CYTH1: variants seen among roughly 807,000 people sequenced by gnomAD.
The protein encoded by CYTH1 is cytohesin 1.
CYTH1 carries 18 observed loss-of-function variants against 61.8 expected under a neutral mutation model. That is an observed-to-expected ratio of 0.29 (90% CI 0.20 to 0.43). The LOEUF (loss-of-function observed/expected upper bound fraction) is 0.43. Among genes scored for constraint, CYTH1 ranks in the 20% least tolerant of loss-of-function variants. CYTH1 has a pLI of 1.00. For missense variants in CYTH1, 336 were observed against 510.5 expected (o/e 0.66, Z 3.29); for synonymous variants, 174 against 184.3 (o/e 0.94, Z 0.45).
At chr17:78,730,341 C>T (rs140272073) in intron 1 of CYTH1, among the ~76,000 whole-genome samples, 2,939 of 135,118 alleles carry the variant, frequency 0.022, 45 homozygotes, top group East Asian at 0.061. Flanking sequence ...CTGGCTAACA[C>T]GGTGAAACCC....
At chr17:78,692,310 T>A in intron 11 of CYTH1, 107 bp downstream of exon 11, 1 of 1,131,140 alleles carries the variant, frequency 8.8e-7, no homozygotes, top group South Asian at 1.3e-5. Context: ...CCCCCACAGA[T>A]ACTGAAGGGC....
intron 1 of CYTH1, among the ~76,000 whole-genome samples, chr17:78,744,262 A>G (rs1310657147): frequency 6.6e-6 from 1 of 152,224 alleles, no homozygotes; most frequent in Non-Finnish European, 1.5e-5. Flanking sequence ...AACTGCCAAC[A>G]ATGAACACTT....
At position 78,708,230 on chromosome 17, in the gene CYTH1, T is replaced by C. The variant is rs778884815; in HGVS notation, c.137A>G (p.Asn46Ser). ...TGTGGATCCCAGGTTTTCAATTTCA[T>C]TAGCTACTTCTGCTATCTCATCCTT... Reference protein sequence around the residue: ...RLKDEIAEVANEIENLGSTEE... With the variant: ...RLKDEIAEVASEIENLGSTEE... Residue 46 changes from asparagine to serine, a missense_variant, in exon 3 of 14, where the codon AAT (asparagine) becomes AGT (serine). Around this residue, in one of 4 missense-constraint regions of CYTH1, gnomAD observed 112 missense variants for 127.1 expected, o/e 0.88. Transcript: ENST00000446868. The C allele has an allele frequency of 6.2e-7, 1 of 1,613,634 alleles. No homozygotes were observed. Among genetic ancestry groups the C allele is most frequent in the South Asian group, 1.1e-5 (1 of 91,026 alleles).
chr17:78,709,562 G>A, intron 2 of CYTH1, 88 bp downstream of exon 2: 4 of 1,368,794 alleles, frequency 2.9e-6, no homozygotes, highest in Non-Finnish European at 4.2e-6. Context: ...GTGTCTTGAG[G>A]AGACACTCTG....
intron 3 of CYTH1, among the ~76,000 whole-genome samples, chr17:78,706,533 T>C (rs1485832663): frequency 2.0e-5 from 3 of 152,266 alleles, no homozygotes; most frequent in African/African-American, 7.2e-5. Context: ...AGTCACCTGC[T>C]GGCAGCCATT....
Position 78,702,519 on chromosome 17 carries a change from C to T in CYTH1, c.237+19G>A. On this transcript the variant is annotated intron_variant, in intron 4 of 13. Transcript: ENST00000446868. ...AACCCCATCTAATATGGACCACTTC[C>T]CGCTTCTTTCTCACTTACCTTTTTA... 1 of 1,613,188 alleles carries T rather than the reference C, an allele frequency of 6.2e-7. No homozygotes were observed. Among genetic ancestry groups the T allele is most frequent in the Non-Finnish European group, 8.5e-7 (1 of 1,179,446 alleles).
chr17:78,714,910 A>G (rs2093168164), intron 1 of CYTH1, among the ~76,000 whole-genome samples: 1 of 152,204 alleles, frequency 6.6e-6, no homozygotes, highest in Non-Finnish European at 1.5e-5. Flanking sequence ...AACTCTGGAA[A>G]AGGGACAATT....
intron 1 of CYTH1, among the ~76,000 whole-genome samples, chr17:78,712,412 G>T (rs147562704): frequency 6.6e-6 from 1 of 152,098 alleles, no homozygotes; most frequent in Non-Finnish European, 1.5e-5. Flanking sequence ...CAGCACTTTG[G>T]GAGGCCGAGG....
intron 1 of CYTH1, among the ~76,000 whole-genome samples, chr17:78,720,937 T>C (rs1323319716): frequency 6.6e-6 from 1 of 152,216 alleles, no homozygotes; most frequent in African/African-American, 2.4e-5. Flanking sequence ...TCTGTCTGCT[T>C]ACCTTAGTTC....
rs532088103 is a variant in CYTH1 at position 78,749,256 on chromosome 17, T to C, written c.22+32946A>G. The stretch of plus-strand genomic sequence containing the variant: ...AGGCAGATCACCTGTGGTCAGGAGT[T>C]CAAGACCAGCCTGGTCAACATGGCG... On this transcript the variant is annotated intron_variant, in intron 1 of 13. Transcript: ENST00000446868. Among the ~76,000 whole-genome samples, 9 of 152,024 alleles carry C rather than the reference T, an allele frequency of 5.9e-5. 1 individual carries two copies. Among genetic ancestry groups the C allele is most frequent in the African/African-American group, 1.7e-4 (7 of 41,456 alleles).
In CYTH1 at chr17:78,738,065, C is replaced by G. The variant is rs536420166; in HGVS notation, c.23-28333G>C. Among the ~76,000 whole-genome samples, 8 of 152,276 alleles carry G rather than the reference C, an allele frequency of 5.3e-5. No homozygotes were observed. The South Asian group carries it at 1.7e-3, about 32-fold the overall frequency. On this transcript the variant is annotated intron_variant, in intron 1 of 13. Transcript: ENST00000446868. ...AGTGATTTCCAATTCTTCTACGTAT[C>G]TCAATACACGTGTGCACACGTTTCG...
chr17:78,724,156 G>C (rs1371430758), intron 1 of CYTH1: 2 of 152,198 alleles, frequency 1.3e-5, no homozygotes, highest in African/African-American at 4.8e-5. Context: ...AAGATGGCTG[G>C]TGACAAGAAA....
In CYTH1 at chr17:78,702,583, T is replaced by C; in HGVS notation, c.192A>G (p.Lys64=). The C allele has an allele frequency of 6.2e-7, 1 of 1,614,220 alleles. No homozygotes were observed. ...ATTTTTTCCTGCCCATGGCTACCTG[T>C]TTGTTCCTCTGCATGTTTTTCCTGT... is the stretch of plus-strand genomic sequence containing the variant. ...TEERKNMQRN[K]QVAMGRKKFN... The change falls in exon 4 of 14, where the codon AAA becomes AAG. Residue 64 remains lysine, a synonymous_variant. Transcript: ENST00000446868.
chr17:78,705,803 C>A (rs1348373839), intron 3 of CYTH1, among the ~76,000 whole-genome samples: 1 of 152,166 alleles, frequency 6.6e-6, no homozygotes, highest in Non-Finnish European at 1.5e-5. Context: ...ACTTCAGATG[C>A]AGTTCATGAG....
chr17:78,778,495 G>C (rs566197259), intron 1 of CYTH1, among the ~76,000 whole-genome samples: 1 of 151,450 alleles, frequency 6.6e-6, no homozygotes, highest in South Asian at 2.1e-4. Flanking sequence ...AAAATCAGCC[G>C]GGTGTGGTGG....
intron 1 of CYTH1, among the ~76,000 whole-genome samples, chr17:78,722,441 T>C (rs2093236753): frequency 6.6e-6 from 1 of 152,154 alleles, no homozygotes; most frequent in Non-Finnish European, 1.5e-5. Flanking sequence ...AGGGAAAGCC[T>C]GGAGTTCCCT....
Position 78,716,415 on chromosome 17 carries a change from C to CA in CYTH1, c.23-6684dup, listed in dbSNP as rs1187775278. ...GATAGCCCTTCTGTGTCCTTGGAGTCAGACAGAAAACGCTTCTGGCCAATT... is the reference window on the plus strand; with the variant it reads ...GATAGCCCTTCTGTGTCCTTGGAGTCAAGACAGAAAACGCTTCTGGCCAATT... On this transcript the variant is annotated intron_variant, in intron 1 of 13. Coordinates refer to ENST00000446868, the MANE Select transcript of CYTH1 (RefSeq NM_004762.6). Among the ~76,000 whole-genome samples, 27 of 152,272 alleles carry CA rather than the reference C, an allele frequency of 1.8e-4. No homozygotes were observed. The East Asian group carries it at 5.2e-3, about 29-fold the overall frequency.
intron 12 of CYTH1, among the ~76,000 whole-genome samples, chr17:78,680,643 G>A (rs1019187344): frequency 3.9e-5 from 6 of 152,138 alleles, no homozygotes; most frequent in Non-Finnish European, 8.8e-5. Flanking sequence ...GTAACATCCT[G>A]ACAGCCCAAA....
chr17:78,755,488 ATTT>A (rs1244881892), intron 1 of CYTH1, among the ~76,000 whole-genome samples: 1 of 123,372 alleles, frequency 8.1e-6, no homozygotes, highest in Non-Finnish European at 1.7e-5. Flanking sequence ...CAGTGGGTTT[ATTT>A]AAAAAAAAAA....
Sources: allele counts gnomAD v4.1 joint callset (sites outside exome capture counted in the v4.1 genomes callset), GRCh38; gene constraint gnomAD v4.1.1; regional missense constraint gnomAD v4.1.1; transcripts MANE v1.5; gene names NCBI Gene and HGNC (gene_info 2026-07-23, HGNC 2026-07-21).